PTPN9: variants seen among roughly 807,000 people sequenced by gnomAD.
The protein encoded by PTPN9 is tyrosine-protein phosphatase non-receptor type 9.
In PTPN9, 26 loss-of-function variants were observed where a neutral mutation model predicts 69.8. That is an observed-to-expected ratio of 0.37 (90% CI 0.27 to 0.52). The LOEUF is 0.52. Among genes scored for constraint, PTPN9 ranks in the 20% least tolerant of loss-of-function variants. The pLI is 0.91. For synonymous variants in PTPN9, 274 were observed against 272.5 expected (o/e 1.01, Z -0.05); for missense variants, 549 against 740.3 (o/e 0.74, Z 3.00).
intron 7 of PTPN9, among the ~76,000 whole-genome samples, chr15:75,503,912 GC>G (rs1391355099): frequency 9.2e-6 from 1 of 108,998 alleles, no homozygotes; most frequent in Non-Finnish European, 1.8e-5. Flanking sequence ...GGTGGGGTCA[GC>G]CCCCCGCCCG....
chr15:75,516,527 T>C (rs1302627934), intron 5 of PTPN9, among the ~76,000 whole-genome samples: 2 of 151,112 alleles, frequency 1.3e-5, no homozygotes, highest in Non-Finnish European at 2.9e-5. Context: ...TTAGCCAAGA[T>C]GGTCTTGATC....
chr15:75,469,492 C>G (rs1463686423), intron 12 of PTPN9, among the ~76,000 whole-genome samples: 1 of 152,214 alleles, frequency 6.6e-6, no homozygotes, highest in Non-Finnish European at 1.5e-5. Context: ...GGGAAGGAAG[C>G]AGCAGCCCAG....
chr15:75,486,181 C>T (rs2074676159), intron 8 of PTPN9, among the ~76,000 whole-genome samples: 1 of 150,358 alleles, frequency 6.7e-6, no homozygotes, highest in African/African-American at 2.5e-5. Context: ...GCAGGAAGAA[C>T]AAACCCGGAA....
Position 75,466,729 on chromosome 15 carries a change from C to T in PTPN9, c.*2040G>A, listed in dbSNP as rs1189708726. 2.0e-5 allele frequency: 3 copies of T among 152,218 alleles called. No homozygotes were observed. The highest frequency in any genetic ancestry group is 7.2e-5 in the African/African-American group (3 of 41,432). The allele number at this position is 152,218 out of a possible 1,614,324, so 9.4% of individuals were successfully genotyped here. A position where few individuals can be genotyped will look rare whatever the true frequency, so the allele number is the denominator to read the frequency against. On this transcript the variant is annotated 3_prime_UTR_variant, in exon 13 of 13. Coordinates refer to ENST00000618819, the MANE Select transcript of PTPN9 (RefSeq NM_002833.4). ...TTCCATGCAGTGAAGAGACCACAGG[C>T]TTTGTAAGCAGACCAACTTGAGCTC... is the stretch of plus-strand genomic sequence containing the variant.
At chr15:75,527,005 T>C in intron 2 of PTPN9, 113 bp downstream of exon 2, 3 of 1,361,214 alleles carry the variant, frequency 2.2e-6, no homozygotes, top group Non-Finnish European at 3.0e-6. Flanking sequence ...ATCCATTTTT[T>C]ATGAAAGTGA....
At chr15:75,516,191 G>T (rs1235297399) in intron 5 of PTPN9, among the ~76,000 whole-genome samples, 2 of 151,978 alleles carry the variant, frequency 1.3e-5, no homozygotes, top group Non-Finnish European at 2.9e-5. Flanking sequence ...CTTGGGACTA[G>T]AAGTGTTTCA....
chr15:75,492,200 G>A (rs931201748), intron 7 of PTPN9, among the ~76,000 whole-genome samples: 4 of 152,130 alleles, frequency 2.6e-5, no homozygotes, highest in Non-Finnish European at 5.9e-5. Flanking sequence ...ATGGTAGGTT[G>A]ATAACACATA....
chr15:75,494,533 A>T (rs1026271083), intron 7 of PTPN9, among the ~76,000 whole-genome samples: 10 of 151,766 alleles, frequency 6.6e-5, no homozygotes, highest in Non-Finnish European at 1.5e-4. Flanking sequence ...TTATATTTTT[A>T]GCAGAGACGG....
At chr15:75,520,299 G>A (rs2074895849) in intron 4 of PTPN9, among the ~76,000 whole-genome samples, 1 of 151,936 alleles carries the variant, frequency 6.6e-6, no homozygotes, top group South Asian at 2.1e-4. Flanking sequence ...GTCAGTGAGG[G>A]GGCAAAGAGA....
intron 8 of PTPN9, among the ~76,000 whole-genome samples, chr15:75,483,923 G>A (rs768670423): frequency 6.6e-6 from 1 of 152,172 alleles, no homozygotes; most frequent in Non-Finnish European, 1.5e-5. Context: ...GTGTACCTGT[G>A]ATCAATTAAG....
rs1425961844 is a variant in PTPN9, at chr15:75,503,780, T to C, written c.968+1895A>G. Among the ~76,000 whole-genome samples the C allele has an allele frequency of 1.2e-3, 21 of 17,640 alleles. 1 individual carries two copies. The highest frequency in any genetic ancestry group is 2.3e-3 in the African/African-American group (10 of 4,258). The allele number at this position is 17,640 out of a possible 152,430, so 11.6% of individuals were successfully genotyped here. On this transcript the variant is annotated intron_variant, in intron 7 of 12. Transcript: ENST00000618819. ...ATCCGGGAGGGAGGTGGGGGGGGGGTCAGCCCCCCGTCCGGGAGGGAGGTG... is the reference window on the plus strand; with the variant it reads ...ATCCGGGAGGGAGGTGGGGGGGGGGCCAGCCCCCCGTCCGGGAGGGAGGTG...
chr15:75,531,110 T>A (rs2074962359), intron 1 of PTPN9, among the ~76,000 whole-genome samples: 1 of 151,044 alleles, frequency 6.6e-6, no homozygotes, highest in African/African-American at 2.4e-5. Flanking sequence ...CAATACCTCA[T>A]AACAGAGCAT....
At chr15:75,570,982 G>A (rs565721244) in intron 1 of PTPN9, among the ~76,000 whole-genome samples, 3 of 152,188 alleles carry the variant, frequency 2.0e-5, no homozygotes, top group South Asian at 2.1e-4. Context: ...CGATGAGGAC[G>A]GGCACGGTAG....
intron 7 of PTPN9, among the ~76,000 whole-genome samples, chr15:75,503,645 C>T (rs1460213628): frequency 0.012 from 313 of 25,766 alleles, no homozygotes; most frequent in South Asian, 0.028. Flanking sequence ...AGGTGAGGGG[C>T]GCCTCTGCCC....
intron 1 of PTPN9, among the ~76,000 whole-genome samples, chr15:75,565,205 G>A (rs1197474842): frequency 6.6e-6 from 1 of 151,666 alleles, no homozygotes; most frequent in African/African-American, 2.4e-5. Context: ...CAAAGGGTGT[G>A]GAAATGGCTC....
rs2074836502 is a variant in PTPN9 at position 75,509,660 on chromosome 15, C to T, written c.529-633G>A. Among the ~76,000 whole-genome samples the T allele has an allele frequency of 2.6e-5, 4 of 152,118 alleles. No homozygotes were observed. In the South Asian group the frequency reaches 6.2e-4, roughly 24 times the overall value. On this transcript the variant is annotated intron_variant, in intron 5 of 12. Coordinates refer to ENST00000618819, the MANE Select transcript of PTPN9 (RefSeq NM_002833.4). ...TGAGATCAAGCCATTGCACTTTACCCTGGGCAACAAGAGTGAAACTCTGTC... is the reference window on the plus strand; with the variant it reads ...TGAGATCAAGCCATTGCACTTTACCTTGGGCAACAAGAGTGAAACTCTGTC...
intron 1 of PTPN9, among the ~76,000 whole-genome samples, chr15:75,578,299 AC>A (rs1356683564): frequency 1.3e-5 from 2 of 152,126 alleles, no homozygotes; most frequent in Non-Finnish European, 2.9e-5. Context: ...CACAGGAAGC[AC>A]CCCCCAAACT....
chr15:75,550,526 G>A (rs1285969552), intron 1 of PTPN9, among the ~76,000 whole-genome samples: 4 of 149,042 alleles, frequency 2.7e-5, no homozygotes, highest in African/African-American at 4.9e-5. Flanking sequence ...AGTGGCTCAC[G>A]CCTGTAATCC....
intron 1 of PTPN9, among the ~76,000 whole-genome samples, chr15:75,561,685 C>T (rs561087948): frequency 1.3e-5 from 2 of 151,716 alleles, no homozygotes; most frequent in South Asian, 2.1e-4. Context: ...CCACCATGCC[C>T]GGCTAATTTA....
Sources: allele counts gnomAD v4.1 joint callset (sites outside exome capture counted in the v4.1 genomes callset), GRCh38; gene constraint gnomAD v4.1.1; transcripts MANE v1.5; gene names NCBI Gene and HGNC (gene_info 2026-07-23, HGNC 2026-07-21).